Variants in ZMIZ1 observed in about 807,000 individuals in gnomAD.
ZMIZ1 encodes the protein zinc finger MIZ-type containing 1, also known as zinc finger MIZ domain-containing protein 1.
Under a neutral mutation model 113.9 loss-of-function variants are expected in ZMIZ1, and 17 were observed. The ratio of observed to expected loss-of-function variants is 0.15; its 90% CI spans 0.10 to 0.22. ZMIZ1 has a LOEUF of 0.22. ZMIZ1 is among the 10% of genes least tolerant of loss of function. The pLI, the probability that ZMIZ1 is intolerant of heterozygous loss-of-function variation, is 1.00. For missense variants in ZMIZ1, 1,059 were observed against 1,477.8 expected (o/e 0.72, Z 4.65); for synonymous variants, 607 against 603.1 (o/e 1.01, Z -0.09).
At chr10:79,129,303 G>T (rs1844652110) in intron 2 of ZMIZ1, among the ~76,000 whole-genome samples, 1 of 152,152 alleles carries the variant, frequency 6.6e-6, no homozygotes, top group Non-Finnish European at 1.5e-5. Context: ...GATTGCCTGG[G>T]ACCGTCCTGG....
chr10:79,142,982 A>T (rs985143109), intron 3 of ZMIZ1, among the ~76,000 whole-genome samples: 5 of 152,174 alleles, frequency 3.3e-5, no homozygotes, highest in Admixed American at 6.5e-5. Flanking sequence ...ACCTGCTCCC[A>T]GTTAGGGGAG....
chr10:79,264,623 T>C (rs1589519280), intron 7 of ZMIZ1, among the ~76,000 whole-genome samples: 1 of 152,330 alleles, frequency 6.6e-6, no homozygotes, highest in East Asian at 1.9e-4. Flanking sequence ...AGGTGTGCAC[T>C]GAGGCACAGT....
chr10:79,156,336 C>T (rs569850925), intron 3 of ZMIZ1, among the ~76,000 whole-genome samples: 4 of 152,190 alleles, frequency 2.6e-5, no homozygotes, highest in African/African-American at 9.6e-5. Flanking sequence ...CCTAGGTTTG[C>T]GTGGCATGTC....
intron 8 of ZMIZ1, among the ~76,000 whole-genome samples, chr10:79,280,677 G>A (rs1040654100): frequency 2.1e-4 from 32 of 149,706 alleles, no homozygotes; most frequent in African/African-American, 6.7e-4. Flanking sequence ...CCCACGCTTG[G>A]TTAATCCCAC....
intron 3 of ZMIZ1, among the ~76,000 whole-genome samples, chr10:79,144,491 A>G (rs185906082): frequency 1.3e-5 from 2 of 152,252 alleles, no homozygotes; most frequent in East Asian, 3.9e-4. Context: ...TGGCACCAGA[A>G]GCTCACCTGG....
intron 7 of ZMIZ1, among the ~76,000 whole-genome samples, chr10:79,230,575 G>C (rs887237597): frequency 2.6e-5 from 4 of 152,228 alleles, no homozygotes; most frequent in African/African-American, 9.6e-5. Flanking sequence ...GGGCCCGCCT[G>C]TGTGCAGGGT....
rs994149653 is a variant in ZMIZ1, at chr10:79,296,801, A to C, written c.1413+148A>C. On this transcript the variant is annotated intron_variant, in intron 13 of 24. Transcript: ENST00000334512. This position sits in a 1 kb window ranked among gnomAD's most constrained non-coding sequence, Gnocchi z 4.1. ...GATTTCTGAACGTCCCCATGTGTTC[A>C]GGGCGAAGTTCGGTGGCCAGAATGT... 1.9e-5 allele frequency: 13 copies of C among 677,556 alleles called. No homozygotes were observed. The highest frequency in any genetic ancestry group is 2.7e-5 in the Non-Finnish European group (12 of 450,098). The allele number at this position is 677,556 out of a possible 1,614,324, so 42.0% of individuals were successfully genotyped here.
intron 7 of ZMIZ1, among the ~76,000 whole-genome samples, chr10:79,274,566 T>G (rs1312127721): frequency 1.3e-5 from 2 of 152,240 alleles, no homozygotes; most frequent in Non-Finnish European, 2.9e-5. Context: ...GAACAACTTG[T>G]GTTGGTTTGC....
In ZMIZ1 at chr10:79,201,701, G is replaced by A. The variant is rs752104742; in HGVS notation, c.60+9G>A. 5 of 1,612,524 alleles carry A rather than the reference G, an allele frequency of 3.1e-6. No individual in the cohort carries two copies. The highest frequency in any genetic ancestry group is 1.1e-5 in the South Asian group (1 of 91,004). ...TGCAGTGCATCAAGCAGGTGGGTGT[G>A]GGGCAAGGCACACTCCGAGGGCGGG... is the stretch of plus-strand genomic sequence containing the variant. On this transcript the variant is annotated intron_variant, in intron 5 of 24. Transcript: ENST00000334512.
At chr10:79,180,756 A>G (rs981239163) in intron 4 of ZMIZ1, among the ~76,000 whole-genome samples, 3 of 152,210 alleles carry the variant, frequency 2.0e-5, no homozygotes, top group Admixed American at 1.3e-4. Context: ...TAAAGTGCCC[A>G]CAAGAGACTT....
chr10:79,299,213 C>A, intron 16 of ZMIZ1, 22 bp downstream of exon 16: 1 of 1,591,106 alleles, frequency 6.3e-7, no homozygotes, highest in Non-Finnish European at 8.5e-7. Context: ...GGCAGGGGCG[C>A]CAGCCCAGGC....
intron 1 of ZMIZ1, among the ~76,000 whole-genome samples, chr10:79,096,306 C>T (rs1278238639): frequency 6.6e-6 from 1 of 152,110 alleles, no homozygotes; most frequent in Non-Finnish European, 1.5e-5. Context: ...GTCAGGAGAT[C>T]GAGACCATCC....
chr10:79,268,068 A>G lies in ZMIZ1; in HGVS notation c.281-9113A>G, dbSNP rs148131896. 7.5e-3 allele frequency among the ~76,000 whole-genome samples: 1,145 copies of G among 152,332 alleles called. 12 individuals are homozygous for G. Among genetic ancestry groups the G allele is most frequent in the African/African-American group, 0.026 (1,082 of 41,570 alleles). On this transcript the variant is annotated intron_variant, in intron 7 of 24. Transcript: ENST00000334512. ...AGCTGAAAGAGGAGGATCAGAGGGT[A>G]GGGGAGCACGGCCTGGGCCCAGGAG...
intron 3 of ZMIZ1, among the ~76,000 whole-genome samples, chr10:79,154,636 T>G (rs1564684722): frequency 6.6e-6 from 1 of 151,750 alleles, no homozygotes; most frequent in Non-Finnish European, 1.5e-5. Flanking sequence ...GCCTGATGAG[T>G]GGTGGGTGTG....
intron 5 of ZMIZ1, among the ~76,000 whole-genome samples, chr10:79,204,783 T>C (rs541600347): frequency 9.8e-4 from 149 of 152,150 alleles, no homozygotes; most frequent in Non-Finnish European, 1.7e-3. Context: ...GGTGGGTGGG[T>C]GGACGTGTAT....
intron 8 of ZMIZ1, chr10:79,285,331 CAG>C: frequency 2.7e-6 from 1 of 373,616 alleles, no homozygotes; most frequent in Non-Finnish European, 5.3e-6. Flanking sequence ...GTAACAGCGG[CAG>C]CCAGCAGTTT....
intron 18 of ZMIZ1, among the ~76,000 whole-genome samples, chr10:79,302,948 G>A (rs1589605223): frequency 6.7e-6 from 1 of 148,272 alleles, no homozygotes; most frequent in African/African-American, 2.5e-5. Context: ...TGCAAGCTCC[G>A]CCTCCTAGGT....
Position 79,069,636 on chromosome 10 carries a change from C to T in ZMIZ1, c.-337+366C>T, listed in dbSNP as rs1842183463. Among the ~76,000 whole-genome samples the T allele has an allele frequency of 6.6e-6, 1 of 151,826 alleles. No individual in the cohort carries two copies. Among genetic ancestry groups the T allele is most frequent in the African/African-American group, 2.4e-5 (1 of 41,322 alleles). ...CCGGGGGCCGGGCAGGACCGGGAAT[C>T]GGAGGAGGGAGGGAAGGACCGCCTC... On this transcript the variant is annotated intron_variant, in intron 1 of 24. Coordinates refer to ENST00000334512, the MANE Select transcript of ZMIZ1 (RefSeq NM_020338.4). This position sits in a 1 kb window ranked among gnomAD's most constrained non-coding sequence, Gnocchi z 4.6.
At chr10:79,302,054 G>A (rs564062454) in intron 17 of ZMIZ1, 53 bp from the exon 18 acceptor site, 1 of 1,582,690 alleles carries the variant, frequency 6.3e-7, no homozygotes, top group Admixed American at 1.7e-5. Flanking sequence ...CTGCAGGCAG[G>A]GCGGGGTGTG....
Sources: allele counts gnomAD v4.1 joint callset (sites outside exome capture counted in the v4.1 genomes callset), GRCh38; gene constraint gnomAD v4.1.1; non-coding constraint Gnocchi (gnomAD v3.1); transcripts MANE v1.5; gene names NCBI Gene and HGNC (gene_info 2026-07-23, HGNC 2026-07-21).